The following WSCD2 variants were observed in gnomAD, a reference collection of about 807,000 sequenced individuals.
WSCD2 encodes the protein WSC domain sialate O sulfotransferase 2, also known as sialate:O-sulfotransferase 2.
A neutral mutation model predicts 55.7 loss-of-function variants in WSCD2; 28 were observed. The observed-to-expected ratio is 0.50, with a 90% confidence interval of 0.37 to 0.69. The LOEUF (loss-of-function observed/expected upper bound fraction) is 0.69, where lower values mean the gene tolerates loss of function less well. Among genes scored for constraint, WSCD2 ranks in the 30% least tolerant of loss-of-function variants. The probability of loss-of-function intolerance (pLI) is 0.00; values close to 1 mark genes in which losing one functional copy is unlikely to be tolerated. For synonymous variants in WSCD2, 301 were observed against 301.9 expected (o/e 1.00, Z 0.03); for missense variants, 616 against 762.1 (o/e 0.81, Z 2.26).
intron 2 of WSCD2, among the ~76,000 whole-genome samples, chr12:108,198,732 C>A (rs1884279530): frequency 6.6e-6 from 1 of 152,048 alleles, no homozygotes; most frequent in South Asian, 2.1e-4. Context: ...TAGTTGCTGT[C>A]CTTGTTATTT....
intron 4 of WSCD2, 71 bp from the exon 5 acceptor site, chr12:108,224,668 A>G: frequency 6.4e-7 from 1 of 1,550,714 alleles, no homozygotes; most frequent in Non-Finnish European, 8.7e-7. Context: ...AGCTTTCTTC[A>G]GAATGTGGTT....
intron 1 of WSCD2, among the ~76,000 whole-genome samples, chr12:108,169,628 C>G (rs935971300): frequency 1.2e-4 from 18 of 152,154 alleles, no homozygotes; most frequent in African/African-American, 4.3e-4. Flanking sequence ...AGGAAGACCC[C>G]TCTGACATGC....
chr12:108,192,836 C>T (rs1007772237), intron 1 of WSCD2, among the ~76,000 whole-genome samples: 3 of 152,190 alleles, frequency 2.0e-5, no homozygotes, highest in Admixed American at 6.5e-5. Flanking sequence ...TGCAGACCCT[C>T]ACTTCCCTGG....
At chr12:108,247,961 C>G (rs369297218) in intron 8 of WSCD2, 30 bp from the exon 9 acceptor site, 16 of 1,595,148 alleles carry the variant, frequency 1.0e-5, no homozygotes, top group Admixed American at 5.1e-5. Flanking sequence ...CCTCCTCCCT[C>G]TGACTGTGTC....
chr12:108,139,874 C>T (rs1014573548), intron 1 of WSCD2, among the ~76,000 whole-genome samples: 1 of 152,168 alleles, frequency 6.6e-6, no homozygotes, highest in Non-Finnish European at 1.5e-5. Flanking sequence ...GAGCAGGAAC[C>T]TAGCTCAGCA....
At chr12:108,181,496 T>A (rs571765508) in intron 1 of WSCD2, among the ~76,000 whole-genome samples, 1 of 152,160 alleles carries the variant, frequency 6.6e-6, no homozygotes, top group African/African-American at 2.4e-5. Context: ...GAGTAAAGGA[T>A]ATTGACGGGG....
chr12:108,164,138 C>CTTTTTTTTTTTTTTTTTTTTTTTTTTTT lies in WSCD2; in HGVS notation c.-551-31144_-551-31143insTTTTTTTTTTTTTTTTTTTTTTTTTTTT. 3.8e-4 allele frequency among the ~76,000 whole-genome samples: 27 copies of CTTTTTTTTTTTTTTTTTTTTTTTTTTTT among 71,740 alleles called. 12 individuals are homozygous for CTTTTTTTTTTTTTTTTTTTTTTTTTTTT. Among genetic ancestry groups the CTTTTTTTTTTTTTTTTTTTTTTTTTTTT allele is most frequent in the African/African-American group, 3.4e-4 (7 of 20,398 alleles). 47.1% of individuals were successfully genotyped at this position (71,740 alleles called of 152,430 possible). A position where few individuals can be genotyped will look rare whatever the true frequency, so the allele number is the denominator to read the frequency against. ...TTTATACTGTTGTTTAATCTTAAAT[C>CTTTTTTTTTTTTTTTTTTTTTTTTTTTT]CTTTTTTTTTTTTTTTTTTTTTTTC... On this transcript the variant is annotated intron_variant, in intron 1 of 8. Coordinates refer to ENST00000547525, the MANE Select transcript of WSCD2 (RefSeq NM_014653.4).
At chr12:108,198,291 A>G (rs540138290) in intron 2 of WSCD2, among the ~76,000 whole-genome samples, 1 of 152,226 alleles carries the variant, frequency 6.6e-6, no homozygotes, top group South Asian at 2.1e-4. Context: ...TGGGTGAATG[A>G]CTGGATGAAT....
At chr12:108,131,456 C>G (rs768178829) in intron 1 of WSCD2, among the ~76,000 whole-genome samples, 17 of 152,222 alleles carry the variant, frequency 1.1e-4, no homozygotes, top group Non-Finnish European at 1.9e-4. Context: ...ACTTCCCTCT[C>G]CACGCTTCGG....
At chr12:108,206,241 C>T in intron 2 of WSCD2, 48 bp from the exon 3 acceptor site, 2 of 1,532,790 alleles carry the variant, frequency 1.3e-6, no homozygotes, top group Non-Finnish European at 1.8e-6. Flanking sequence ...TCCTGTAACC[C>T]TTGCAGCTTT....
At chr12:108,189,468 C>T (rs1882904240) in intron 1 of WSCD2, 1 of 152,132 alleles carries the variant, frequency 6.6e-6, no homozygotes, top group Non-Finnish European at 1.5e-5. Flanking sequence ...ACCACACAAG[C>T]ACAAAAAGCA....
At chr12:108,148,169 G>C (rs1395518341) in intron 1 of WSCD2, among the ~76,000 whole-genome samples, 1 of 152,200 alleles carries the variant, frequency 6.6e-6, no homozygotes, top group Non-Finnish European at 1.5e-5. Context: ...GTAGGATGTT[G>C]AGCAGCATCC....
intron 1 of WSCD2, among the ~76,000 whole-genome samples, chr12:108,160,861 C>A (rs994345930): frequency 3.3e-5 from 5 of 152,350 alleles, no homozygotes; most frequent in African/African-American, 1.2e-4. Flanking sequence ...CAGGTGCCTG[C>A]ATTCAAATCC....
At chr12:108,198,863 A>G (rs1884297583) in intron 2 of WSCD2, among the ~76,000 whole-genome samples, 1 of 152,216 alleles carries the variant, frequency 6.6e-6, no homozygotes, top group African/African-American at 2.4e-5. Flanking sequence ...CATTTCCCAG[A>G]TGGCAAAACT....
At chr12:108,137,141 C>T (rs1207830124) in intron 1 of WSCD2, among the ~76,000 whole-genome samples, 1 of 152,204 alleles carries the variant, frequency 6.6e-6, no homozygotes, top group Non-Finnish European at 1.5e-5. Flanking sequence ...GTTTACACTC[C>T]AGTGTCCTGG....
At chr12:108,240,122 G>A (rs918846331) in intron 7 of WSCD2, among the ~76,000 whole-genome samples, 1 of 152,220 alleles carries the variant, frequency 6.6e-6, no homozygotes, top group Non-Finnish European at 1.5e-5. Context: ...TCAAAAACAG[G>A]AAGACTCGTG....
rs1047132630 is a variant in WSCD2 at position 108,198,969 on chromosome 12, A to G, written c.382+2755A>G. 3.9e-5 allele frequency among the ~76,000 whole-genome samples: 6 copies of G among 152,206 alleles called. No individual in the cohort carries two copies. The East Asian group carries it at 1.2e-3, about 29-fold the overall frequency. On this transcript the variant is annotated intron_variant, in intron 2 of 8. Transcript: ENST00000547525. Reference sequence around the variant, plus strand: ...GGTCTGTTTAATTCCAAAGCTTGTGAGCATTCTTCTATACCATGCCACCTG... The same window carrying G: ...GGTCTGTTTAATTCCAAAGCTTGTGGGCATTCTTCTATACCATGCCACCTG...
intron 7 of WSCD2, among the ~76,000 whole-genome samples, chr12:108,238,566 C>G (rs1360153376): frequency 6.6e-6 from 1 of 152,230 alleles, no homozygotes; most frequent in African/African-American, 2.4e-5. Flanking sequence ...AAGTCTTATT[C>G]TGCATTAGCT....
intron 4 of WSCD2, among the ~76,000 whole-genome samples, chr12:108,215,738 A>G (rs975751079): frequency 2.6e-5 from 4 of 152,068 alleles, no homozygotes; most frequent in African/African-American, 9.7e-5. Flanking sequence ...CTTCTTTCAA[A>G]CCAAGGAGAA....
Sources: gnomAD v4.1 joint callset for allele counts (sites outside exome capture counted in the v4.1 genomes callset) on GRCh38, gnomAD v4.1.1 for gene constraint, MANE v1.5 for transcripts, NCBI Gene and HGNC (gene_info 2026-07-23, HGNC 2026-07-21) for gene names.